YY1AP1: variants seen among roughly 807,000 people sequenced by gnomAD.
YY1AP1 encodes YY1 associated protein 1.
A neutral mutation model predicts 39.9 loss-of-function variants in YY1AP1; 43 were observed. The observed-to-expected ratio is 1.08, with a 90% CI of 0.84 to 1.39. The LOEUF (loss-of-function observed/expected upper bound fraction) is 1.39, where lower values mean the gene tolerates loss of function less well. Among genes scored for constraint, YY1AP1 ranks in the 40% most tolerant of loss-of-function variants. The pLI is 0.00. For synonymous variants in YY1AP1, 292 were observed against 331.3 expected (o/e 0.88, Z 1.29); for missense variants, 813 against 900.7 (o/e 0.90, Z 1.25).
chr1:155,664,242 C>G (rs1185030886), intron 9 of YY1AP1, among the ~76,000 whole-genome samples: 1 of 151,894 alleles, frequency 6.6e-6, no homozygotes, highest in Non-Finnish European at 1.5e-5. Context: ...ATCTAGAATT[C>G]TAGATACAGT....
chr1:155,668,051 CT>C (rs1649306472), intron 9 of YY1AP1, among the ~76,000 whole-genome samples: 1 of 152,018 alleles, frequency 6.6e-6, no homozygotes, highest in Admixed American at 6.6e-5. Context: ...GCCTGCAATC[CT>C]AGCCTCTGGG....
At chr1:155,682,645 G>C (rs532007428) in intron 2 of YY1AP1, among the ~76,000 whole-genome samples, 1 of 151,982 alleles carries the variant, frequency 6.6e-6, no homozygotes. Flanking sequence ...ACAGGCATGA[G>C]CCACTGCACC....
At chr1:155,661,015 T>G (rs1411228775) in intron 10 of YY1AP1, 102 bp from the exon 11 acceptor site, 19 of 1,576,620 alleles carry the variant, frequency 1.2e-5, no homozygotes, top group Non-Finnish European at 1.6e-5. Context: ...AAGGCATCTT[T>G]CCAAGGGACT....
intron 6 of YY1AP1, 55 bp from the exon 7 acceptor site, chr1:155,672,786 A>C: frequency 6.2e-7 from 1 of 1,613,130 alleles, no homozygotes; most frequent in Non-Finnish European, 8.5e-7. Context: ...ATTAATACCA[A>C]TAGCCTTCAG....
intron 2 of YY1AP1, among the ~76,000 whole-genome samples, chr1:155,686,451 C>A (rs1652361176): frequency 6.6e-6 from 1 of 152,110 alleles, no homozygotes. Flanking sequence ...AAAAACAGTT[C>A]TCTGGTTTTA....
intron 9 of YY1AP1, among the ~76,000 whole-genome samples, chr1:155,663,455 C>T (rs113245628): frequency 0.024 from 3,553 of 151,070 alleles, 144 homozygotes; most frequent in African/African-American, 0.082. Context: ...GCATGGTGGC[C>T]CACACCTGTA....
chr1:155,670,268 AG>A, intron 8 of YY1AP1, 51 bp downstream of exon 8: 1 of 1,610,640 alleles, frequency 6.2e-7, no homozygotes, highest in Non-Finnish European at 8.5e-7. Flanking sequence ...AACTCCTCAA[AG>A]GAACTACATC....
chr1:155,665,906 C>G (rs1261507770), intron 9 of YY1AP1, among the ~76,000 whole-genome samples: 1 of 151,706 alleles, frequency 6.6e-6, no homozygotes, highest in Non-Finnish European at 1.5e-5. Context: ...AGAAAAAGCC[C>G]AAGAAGACAT....
chr1:155,672,748 C>T lies in YY1AP1; in HGVS notation c.412-17G>A. On this transcript the variant is annotated splice_polypyrimidine_tract_variant and intron_variant, in intron 6 of 10. Coordinates refer to ENST00000355499, the MANE Select transcript of YY1AP1 (RefSeq NM_139119.3). ...CAGCTCTTTCTGGGAAAACACGACA[C>T]AAGGAAGATCTAAGACAATTCCAGA... 1 of 1,614,154 alleles carries T rather than the reference C, an allele frequency of 6.2e-7. No homozygotes were observed.
chr1:155,685,604 T>C (rs1249568569), intron 2 of YY1AP1, among the ~76,000 whole-genome samples: 2 of 152,216 alleles, frequency 1.3e-5, no homozygotes, highest in Non-Finnish European at 2.9e-5. Context: ...TGCAGAAATG[T>C]TTGCAGACGA....
intron 9 of YY1AP1, among the ~76,000 whole-genome samples, chr1:155,666,278 C>T (rs988799607): frequency 8.5e-5 from 13 of 152,090 alleles, no homozygotes; most frequent in Non-Finnish European, 8.8e-5. Flanking sequence ...CCCGCCACCA[C>T]GCCCAGCCAG....
chr1:155,662,806 G>A (rs1648365974), intron 9 of YY1AP1, among the ~76,000 whole-genome samples: 1 of 151,926 alleles, frequency 6.6e-6, no homozygotes, highest in Admixed American at 6.6e-5. Flanking sequence ...TTCATGACCA[G>A]CCTGGCCAAC....
intron 6 of YY1AP1, 142 bp downstream of exon 6, chr1:155,674,868 T>G: frequency 1.5e-6 from 1 of 680,254 alleles, no homozygotes; most frequent in Non-Finnish European, 2.5e-6. Flanking sequence ...TGTCCTTTCA[T>G]GTGAATCAGT....
intron 5 of YY1AP1, among the ~76,000 whole-genome samples, chr1:155,675,655 A>C (rs1363435878): frequency 6.6e-6 from 1 of 150,894 alleles, no homozygotes; most frequent in Non-Finnish European, 1.5e-5. Flanking sequence ...ACAGAGTCTC[A>C]CTATGTTGTC....
intron 2 of YY1AP1, among the ~76,000 whole-genome samples, chr1:155,682,115 T>G (rs762788554): frequency 5.2e-4 from 79 of 152,198 alleles, no homozygotes; most frequent in Non-Finnish European, 1.0e-3. Context: ...GGAGGCAGCT[T>G]GATTTTTTTT....
chr1:155,675,827 GAAC>G (rs774355487), intron 5 of YY1AP1, among the ~76,000 whole-genome samples: 2 of 152,170 alleles, frequency 1.3e-5, no homozygotes, highest in African/African-American at 4.8e-5. Context: ...AAGAGTGTGA[GAAC>G]AACGTAGGAT....
chr1:155,687,867 C>A, intron 2 of YY1AP1: 1 of 547,118 alleles, frequency 1.8e-6, no homozygotes, highest in Non-Finnish European at 3.1e-6. Context: ...CGGGAGTCTG[C>A]CTGTCAGGGA....
chr1:155,688,214 CGA>C lies in YY1AP1; in HGVS notation c.-151-15_-151-14del, dbSNP rs767114924. ...GCGGGTAAGCCGACTGGCGGAAATG[CGA>C]GAGAGGAGAAGGGAAAGGTGGAGGG... On this transcript the variant is annotated splice_polypyrimidine_tract_variant and intron_variant, in intron 1 of 10. Coordinates refer to ENST00000355499, the MANE Select transcript of YY1AP1 (RefSeq NM_139119.3). The C allele has an allele frequency of 1.2e-6, 2 of 1,613,510 alleles. No homozygotes were observed. Among genetic ancestry groups the C allele is most frequent in the East Asian group, 2.2e-5 (1 of 44,880 alleles).
rs764687975 is a variant in YY1AP1, at chr1:155,675,040, A to G, written c.381T>C (p.Asn127=). ...ATATCCTGGTGCTACTGGCCTCCGGATTGAGATTGGGGTTGCAGGTGGCAA... is the reference window on the plus strand; with the variant it reads ...ATATCCTGGTGCTACTGGCCTCCGGGTTGAGATTGGGGTTGCAGGTGGCAA... ...HLLATCNPNL[N]PEASSTRICL... Residue 127 remains asparagine, a synonymous_variant, in exon 6 of 11, where the codon AAT becomes AAC. Coordinates refer to ENST00000355499, the MANE Select transcript of YY1AP1 (RefSeq NM_139119.3). 1 of 1,613,820 alleles carries G rather than the reference A, an allele frequency of 6.2e-7. No individual in the cohort carries two copies. Among genetic ancestry groups the G allele is most frequent in the Non-Finnish European group, 8.5e-7 (1 of 1,179,790 alleles).
Sources: allele counts gnomAD v4.1 joint callset (sites outside exome capture counted in the v4.1 genomes callset), GRCh38; gene constraint gnomAD v4.1.1; transcripts MANE v1.5; gene names NCBI Gene and HGNC (gene_info 2026-07-23, HGNC 2026-07-21).